CABIN1: variants seen among roughly 807,000 people sequenced by gnomAD.
CABIN1 encodes calcineurin binding protein 1.
A neutral mutation model predicts 227.7 loss-of-function variants in CABIN1; 133 were observed. That is an observed-to-expected ratio of 0.58 (90% confidence interval 0.51 to 0.67). CABIN1 has a LOEUF of 0.67. CABIN1 is among the 30% of genes least tolerant of loss of function. The probability of loss-of-function intolerance (pLI) is 0.00; values close to 1 mark genes in which losing one functional copy is unlikely to be tolerated. For missense variants in CABIN1, 2,408 were observed against 2,852.5 expected, an observed-to-expected ratio of 0.84 and a Z score of 3.55; for synonymous variants, 1,086 against 1,155.1, an observed-to-expected ratio of 0.94 and a Z score of 1.21.
rs543724813 is a variant in CABIN1, at chr22:24,086,357, G to A, written c.3264-1095G>A. Among the ~76,000 whole-genome samples the A allele has an allele frequency of 6.4e-4, 98 of 152,336 alleles. 1 individual carries two copies. Among genetic ancestry groups the A allele is most frequent in the Admixed American group, 3.3e-3 (50 of 15,308 alleles). On this transcript the variant is annotated intron_variant, in intron 22 of 36. Transcript: ENST00000263119. ...CTTATTCAACAGAATTAAGGCTCAT[G>A]GCAGCTTAACTGGGCCTCCCTCCAA...
At position 24,041,186 on chromosome 22, in the gene CABIN1, G is replaced by A; in HGVS notation, c.258G>A (p.Leu86=). The change falls in exon 5 of 37, where the codon CTG becomes CTA. Residue 86 remains leucine, a synonymous_variant. Coordinates refer to ENST00000263119, the MANE Select transcript of CABIN1 (RefSeq NM_012295.4). ...DEKEGLKHPG[L]ILKYSTYKNL... ...AAGAGGGGTTGAAACACCCTGGGCTGATACTGAAATATTCCACTTATAAGA... is the reference window on the plus strand; with the variant it reads ...AAGAGGGGTTGAAACACCCTGGGCTAATACTGAAATATTCCACTTATAAGA... 6.2e-7 allele frequency: 1 copy of A among 1,614,216 alleles called. No individual in the cohort carries two copies. The highest frequency in any genetic ancestry group is 1.3e-5 in the African/African-American group (1 of 75,054).
At chr22:24,089,324 C>T (rs1049536839) in intron 23 of CABIN1, among the ~76,000 whole-genome samples, 1 of 152,242 alleles carries the variant, frequency 6.6e-6, no homozygotes, top group Admixed American at 6.5e-5. Flanking sequence ...CAAGTTTCCA[C>T]ATACTTTTTC....
intron 29 of CABIN1, among the ~76,000 whole-genome samples, chr22:24,154,045 G>A (rs552436479): frequency 2.0e-4 from 31 of 152,290 alleles, no homozygotes; most frequent in African/African-American, 5.5e-4. Context: ...GAAGGCATGC[G>A]CGCTGGGGAG....
intron 7 of CABIN1, 143 bp from the exon 8 acceptor site, chr22:24,050,682 G>A (rs1373890425): frequency 2.1e-6 from 2 of 943,694 alleles, no homozygotes; most frequent in Non-Finnish European, 3.3e-6. Flanking sequence ...CCCTACCCAG[G>A]CCAGACTGAA....
chr22:24,136,522 G>GTTTTTTTTTTTTTTT (rs2044413985), intron 29 of CABIN1, among the ~76,000 whole-genome samples: 1 of 77,378 alleles, frequency 1.3e-5, no homozygotes, highest in East Asian at 4.6e-4. Context: ...GCTAATTTTT[G>GTTTTTTTTTTTTTTT]TATTTTTTTT....
chr22:24,094,506 T>C (rs1019627232), intron 24 of CABIN1, among the ~76,000 whole-genome samples: 3 of 152,184 alleles, frequency 2.0e-5, no homozygotes, highest in Admixed American at 6.5e-5. Flanking sequence ...CTGGTAAATA[T>C]GTATATCTTG....
chr22:24,049,044 T>C (rs2038116146), intron 6 of CABIN1, 47 bp from the exon 7 acceptor site: 10 of 1,610,762 alleles, frequency 6.2e-6, no homozygotes, highest in Non-Finnish European at 8.5e-6. Context: ...AGGCCAGAGC[T>C]TCTGAGTGCG....
intron 27 of CABIN1, among the ~76,000 whole-genome samples, chr22:24,116,880 G>A (rs890429428): frequency 7.9e-5 from 12 of 152,228 alleles, no homozygotes; most frequent in African/African-American, 1.7e-4. Context: ...TGCACCACAG[G>A]CATTCCAAGC....
At chr22:24,058,770 A>C (rs2038981933) in intron 10 of CABIN1, among the ~76,000 whole-genome samples, 1 of 152,208 alleles carries the variant, frequency 6.6e-6, no homozygotes, top group Non-Finnish European at 1.5e-5. Flanking sequence ...CATGAACATT[A>C]TCCCCTCTCA....
At chr22:24,073,851 G>A (rs886449196) in intron 18 of CABIN1, among the ~76,000 whole-genome samples, 1 of 152,152 alleles carries the variant, frequency 6.6e-6, no homozygotes, top group East Asian at 1.9e-4. Context: ...TTTCTGTTTT[G>A]TAAAGCTGTT....
chr22:24,113,254 A>T (rs921323513), intron 26 of CABIN1, among the ~76,000 whole-genome samples: 1 of 152,174 alleles, frequency 6.6e-6, no homozygotes, highest in Admixed American at 6.5e-5. Flanking sequence ...GAATATTTAC[A>T]CTCCAGAAAT....
chr22:24,094,470 A>G (rs2041752652), intron 24 of CABIN1, among the ~76,000 whole-genome samples: 1 of 152,214 alleles, frequency 6.6e-6, no homozygotes, highest in South Asian at 2.1e-4. Context: ...CCATGCAACC[A>G]TTGTAGCTAT....
chr22:24,090,937 C>T (rs1410799992), intron 23 of CABIN1, among the ~76,000 whole-genome samples: 7 of 152,162 alleles, frequency 4.6e-5, no homozygotes, highest in Non-Finnish European at 1.5e-5. Flanking sequence ...GGCAGCTGAC[C>T]AGTATTGGAA....
chr22:24,164,047 C>CT (rs2046306208), intron 29 of CABIN1, among the ~76,000 whole-genome samples: 1 of 152,216 alleles, frequency 6.6e-6, no homozygotes, highest in Admixed American at 6.5e-5. Context: ...GGGTAAGCAC[C>CT]TGTGCAGGGA....
chr22:24,123,978 C>T (rs1291941540), intron 28 of CABIN1, among the ~76,000 whole-genome samples: 2 of 152,244 alleles, frequency 1.3e-5, no homozygotes, highest in Non-Finnish European at 2.9e-5. Context: ...TTCACAGACA[C>T]CTCCAGGTGA....
At chr22:24,134,240 T>C in intron 28 of CABIN1, 62 bp from the exon 29 acceptor site, 1 of 1,291,310 alleles carries the variant, frequency 7.7e-7, no homozygotes, top group Non-Finnish European at 1.1e-6. Flanking sequence ...ACCGCCTGCC[T>C]TCCCTGTGGG....
At chr22:24,076,646 C>T (rs952971881) in intron 19 of CABIN1, among the ~76,000 whole-genome samples, 14 of 152,250 alleles carry the variant, frequency 9.2e-5, no homozygotes, top group African/African-American at 2.9e-4. Context: ...GCACCACCAC[C>T]GCCTTCTATT....
chr22:24,168,585 G>A (rs1035885350), intron 33 of CABIN1, 64 bp downstream of exon 33: 1 of 1,279,008 alleles, frequency 7.8e-7, no homozygotes, highest in Non-Finnish European at 1.1e-6. Context: ...AAGGCCCTAG[G>A]ATGCAGGCTG....
rs141494259 is a variant in CABIN1 at position 24,013,733 on chromosome 22, T to C, written c.-75+2366T>C. Among the ~76,000 whole-genome samples, 4 of 152,322 alleles carry C rather than the reference T, an allele frequency of 2.6e-5. No homozygotes were observed. The East Asian group carries it at 7.7e-4, about 29-fold the overall frequency. On this transcript the variant is annotated intron_variant, in intron 1 of 36. Transcript: ENST00000263119. ...TTTCATTCCAGGACCCTATCCAAGA[T>C]CCCATGTTGCATTTAGTTATTTCTC...
Sources: allele counts gnomAD v4.1 joint callset (sites outside exome capture counted in the v4.1 genomes callset), GRCh38; gene constraint gnomAD v4.1.1; transcripts MANE v1.5; gene names NCBI Gene and HGNC (gene_info 2026-07-23, HGNC 2026-07-21).